LINGO2: variants seen among roughly 807,000 people sequenced by gnomAD.
The protein encoded by LINGO2 is leucine rich repeat and Ig domain containing 2, also known as leucine-rich repeat and immunoglobulin-like domain-containing nogo receptor-interacting protein 2.
A neutral mutation model predicts 30.6 loss-of-function variants in LINGO2; 14 were observed. The ratio of observed to expected loss-of-function variants is 0.46; its 90% CI spans 0.30 to 0.72. The LOEUF is 0.72. LINGO2 is among the 30% of genes least tolerant of loss of function. The pLI is 0.07. For synonymous variants in LINGO2, 317 were observed against 288.5 expected (o/e 1.10, Z -1.00); for missense variants, 729 against 751.7 (o/e 0.97, Z 0.35).
At chr9:29,080,327 C>G in the LINGO2 span, among the ~76,000 whole-genome samples, 1 of 152,004 alleles carries the variant, frequency 6.6e-6, no homozygotes, top group Admixed American at 6.6e-5. Context: ...TATTTCATTC[C>G]TCTCTTTTCT....
chr9:28,234,928 G>A (rs1439864807), intron 4 of LINGO2, among the ~76,000 whole-genome samples: 1 of 152,164 alleles, frequency 6.6e-6, no homozygotes. Context: ...TGGTCTGAGT[G>A]CCAGCTAGGA....
At chr9:28,737,119 C>G in the LINGO2 span, among the ~76,000 whole-genome samples, 2 of 152,152 alleles carry the variant, frequency 1.3e-5, no homozygotes, top group African/African-American at 4.8e-5. Flanking sequence ...CTTATAGTTT[C>G]TGCTTTTACT....
At chr9:28,159,946 A>T (rs1291868884) in intron 4 of LINGO2, among the ~76,000 whole-genome samples, 2 of 152,146 alleles carry the variant, frequency 1.3e-5, no homozygotes, top group African/African-American at 4.8e-5. Flanking sequence ...GAGATAACTG[A>T]TTTGGAAATC....
the LINGO2 span, among the ~76,000 whole-genome samples, chr9:29,105,656 G>C: frequency 1.3e-5 from 2 of 152,152 alleles, no homozygotes; most frequent in Non-Finnish European, 2.9e-5. Context: ...TAAATATAGA[G>C]AGGTGATCTC....
the LINGO2 span, among the ~76,000 whole-genome samples, chr9:28,788,391 T>C: frequency 6.6e-6 from 1 of 152,230 alleles, no homozygotes; most frequent in Non-Finnish European, 1.5e-5. Flanking sequence ...AAAGACCTGG[T>C]GAACAATTTG....
chr9:28,044,187 T>A (rs534543155), intron 4 of LINGO2, among the ~76,000 whole-genome samples: 1 of 152,338 alleles, frequency 6.6e-6, no homozygotes, highest in African/African-American at 2.4e-5. Context: ...AAATAAGTTA[T>A]TTTTGAACCT....
rs1030348833 is a variant in LINGO2, at chr9:28,620,408, T to C, written c.-365+49792A>G. Among the ~76,000 whole-genome samples, 14 of 152,228 alleles carry C rather than the reference T, an allele frequency of 9.2e-5. No homozygotes were observed. In the East Asian group the frequency reaches 2.3e-3, roughly 25 times the overall value. On this transcript the variant is annotated intron_variant, in intron 1 of 5. Transcript: ENST00000379992. ...CATTATCCTCTTTGCCCCATTCAGTTTGAAACATTTTTATACTTCAGATCA... is the reference window on the plus strand; with the variant it reads ...CATTATCCTCTTTGCCCCATTCAGTCTGAAACATTTTTATACTTCAGATCA...
At chr9:28,592,340 T>G (rs1238890246) in intron 1 of LINGO2, among the ~76,000 whole-genome samples, 1 of 152,102 alleles carries the variant, frequency 6.6e-6, no homozygotes, top group South Asian at 2.1e-4. Flanking sequence ...CTAACTAACT[T>G]AAATAACTGA....
intron 1 of LINGO2, among the ~76,000 whole-genome samples, chr9:28,649,375 T>A (rs772220806): frequency 6.6e-6 from 1 of 152,146 alleles, no homozygotes; most frequent in Non-Finnish European, 1.5e-5. Flanking sequence ...CTCATAACAG[T>A]TCTAAAATAT....
At chr9:28,410,161 GA>G (rs1822704493) in intron 2 of LINGO2, among the ~76,000 whole-genome samples, 1 of 143,990 alleles carries the variant, frequency 6.9e-6, no homozygotes, top group Non-Finnish European at 1.6e-5. Context: ...AAAAGTAACA[GA>G]GAAAGAGAAA....
chr9:28,662,158 T>G (rs752883721), intron 1 of LINGO2, among the ~76,000 whole-genome samples: 15 of 151,946 alleles, frequency 9.9e-5, no homozygotes, highest in Non-Finnish European at 1.9e-4. Flanking sequence ...GCACTCAGAG[T>G]CATAAAAAGA....
At chr9:28,088,517 C>T (rs79740074) in intron 4 of LINGO2, among the ~76,000 whole-genome samples, 5,931 of 151,950 alleles carry the variant, frequency 0.039, 376 homozygotes, top group African/African-American at 0.13. Flanking sequence ...CCTTGGGATC[C>T]GTGGATGAAA....
intron 1 of LINGO2, among the ~76,000 whole-genome samples, chr9:28,636,393 C>A (rs1046663857): frequency 1.3e-5 from 2 of 152,122 alleles, no homozygotes; most frequent in East Asian, 3.9e-4. Flanking sequence ...CCGGAGGAAT[C>A]GCCACACTGA....
At chr9:28,386,749 G>T (rs917507161) in intron 2 of LINGO2, among the ~76,000 whole-genome samples, 4 of 152,124 alleles carry the variant, frequency 2.6e-5, no homozygotes, top group African/African-American at 9.7e-5. Flanking sequence ...AAAGTAGGTA[G>T]AGATTTCTTA....
In LINGO2 at chr9:28,591,079, G is replaced by T. The variant is rs373449497; in HGVS notation, c.-365+79121C>A. On this transcript the variant is annotated intron_variant, in intron 1 of 5. Coordinates refer to ENST00000379992, the Ensembl canonical transcript of LINGO2. ...AAGGACAAAAAACCAAACACCGCAT[G>T]TTCTCACTCATAGGTGGGAATTGAA... 3.0e-4 allele frequency among the ~76,000 whole-genome samples: 45 copies of T among 151,178 alleles called. 1 individual carries two copies. The East Asian group carries it at 5.3e-3, about 18-fold the overall frequency.
intron 5 of LINGO2, among the ~76,000 whole-genome samples, chr9:27,999,650 A>G (rs1821847996): frequency 6.6e-6 from 1 of 152,144 alleles, no homozygotes; most frequent in Non-Finnish European, 1.5e-5. Flanking sequence ...GTGCCCTTCC[A>G]GAAGTCTTCT....
At chr9:29,184,907 C>A in the LINGO2 span, among the ~76,000 whole-genome samples, 2 of 152,118 alleles carry the variant, frequency 1.3e-5, no homozygotes, top group Non-Finnish European at 2.9e-5. Context: ...CATACCATTA[C>A]TTTTTTGCAT....
At chr9:28,821,782 T>A in the LINGO2 span, among the ~76,000 whole-genome samples, 1 of 152,162 alleles carries the variant, frequency 6.6e-6, no homozygotes, top group Admixed American at 6.5e-5. Context: ...ATGCCCTCAG[T>A]GCTTCTTCTG....
At chr9:28,324,924 G>A (rs7858314) in intron 3 of LINGO2, among the ~76,000 whole-genome samples, 149,779 of 152,232 alleles carry the variant, frequency 0.98, 73,730 homozygotes, top group Middle Eastern at 1. Flanking sequence ...GAGATCCAAG[G>A]ACCCTCTCTT....
Sources: allele counts gnomAD v4.1 joint callset (sites outside exome capture counted in the v4.1 genomes callset), GRCh38; gene constraint gnomAD v4.1.1; transcripts MANE v1.5; gene names NCBI Gene and HGNC (gene_info 2026-07-23, HGNC 2026-07-21).